The following SEC22C variants were observed in gnomAD, a reference collection of about 807,000 sequenced individuals.
SEC22C encodes the protein SEC22 homolog C, vesicle trafficking protein.
SEC22C carries 29 observed loss-of-function variants against 34.7 expected under a neutral mutation model. That is an observed-to-expected ratio of 0.84 (90% CI 0.62 to 1.14). The LOEUF (loss-of-function observed/expected upper bound fraction) is 1.14. Among genes scored for constraint, SEC22C ranks in the 50% most tolerant of loss-of-function variants. The probability of loss-of-function intolerance (pLI) is 0.00; values close to 1 mark genes in which losing one functional copy is unlikely to be tolerated. For synonymous variants in SEC22C, 117 were observed against 132.8 expected, an observed-to-expected ratio of 0.88 and a Z score of 0.82; for missense variants, 337 against 369.0, an observed-to-expected ratio of 0.91 and a Z score of 0.71.
intron 1 of SEC22C, among the ~76,000 whole-genome samples, chr3:42,580,697 A>G (rs1188505885): frequency 6.6e-6 from 1 of 152,248 alleles, no homozygotes; most frequent in African/African-American, 2.4e-5. Context: ...AGGTAAAGCT[A>G]GATTCAACCC....
intron 1 of SEC22C, among the ~76,000 whole-genome samples, chr3:42,570,057 G>A (rs1001130943): frequency 6.6e-6 from 1 of 152,132 alleles, no homozygotes; most frequent in African/African-American, 2.4e-5. Context: ...TACTTGACAG[G>A]ATCCTCTACT....
chr3:42,592,159 C>CT (rs896621293), intron 1 of SEC22C, among the ~76,000 whole-genome samples: 1 of 152,086 alleles, frequency 6.6e-6, no homozygotes, highest in African/African-American at 2.4e-5. Flanking sequence ...GTCTGAGTCT[C>CT]TTTTCCGAAT....
Position 42,552,988 on chromosome 3 carries a change from G to A in SEC22C, c.*260C>T, listed in dbSNP as rs1702320030. The A allele has an allele frequency of 7.9e-7, 1 of 1,272,264 alleles. No individual in the cohort carries two copies. Among genetic ancestry groups the A allele is most frequent in the Middle Eastern group, 3.0e-4 (1 of 3,300 alleles). The allele number at this position is 1,272,264 out of a possible 1,614,324, so 78.8% of individuals were successfully genotyped here. ...TCTTCCAATAAAGCTCTTTCTGGATGAGCCCCCAGATCCAGCTGTCCTAGG... is the reference window on the plus strand; with the variant it reads ...TCTTCCAATAAAGCTCTTTCTGGATAAGCCCCCAGATCCAGCTGTCCTAGG... On this transcript the variant is annotated 3_prime_UTR_variant, in exon 7 of 7. Transcript: ENST00000264454.
At chr3:42,566,980 C>G in intron 2 of SEC22C, 3 of 184,560 alleles carry the variant, frequency 1.6e-5, no homozygotes, top group South Asian at 7.7e-5. Context: ...GAGGTGTGAA[C>G]ATGGCTCACT....
At chr3:42,563,293 C>T (rs1171450220) in intron 3 of SEC22C, among the ~76,000 whole-genome samples, 1 of 152,244 alleles carries the variant, frequency 6.6e-6, no homozygotes, top group Non-Finnish European at 1.5e-5. Flanking sequence ...TTCACCCTTC[C>T]TCCACCCTGC....
chr3:42,558,444 C>A (rs973347617), intron 4 of SEC22C, among the ~76,000 whole-genome samples: 1 of 149,392 alleles, frequency 6.7e-6, no homozygotes, highest in South Asian at 2.1e-4. Flanking sequence ...GCCATGATTG[C>A]GCCCCTGCAC....
Position 42,548,664 on chromosome 3 carries a change from T to G in SEC22C, c.*4584A>C, listed in dbSNP as rs1391736623. 3 of 1,613,886 alleles carry G rather than the reference T, an allele frequency of 1.9e-6. No individual in the cohort carries two copies. The highest frequency in any genetic ancestry group is 2.5e-6 in the Non-Finnish European group (3 of 1,180,036). The stretch of plus-strand genomic sequence containing the variant: ...AGAACCAGCTCCTTGGATCCTGGAA[T>G]AAACCAAACATCAATGGTACCATGC... On this transcript the variant is annotated 3_prime_UTR_variant, in exon 7 of 7. Coordinates refer to ENST00000264454, the MANE Select transcript of SEC22C (RefSeq NM_032970.4).
At position 42,559,712 on chromosome 3, in the gene SEC22C, C is replaced by A. The variant is rs1387897222; in HGVS notation, c.526+1405G>T. Reference sequence around the variant, plus strand: ...ACACTTCTTTTAGCAAAGGATTCAGCTCTTATGCCATTATAGAATTCTTCG... The same window carrying A: ...ACACTTCTTTTAGCAAAGGATTCAGATCTTATGCCATTATAGAATTCTTCG... On this transcript the variant is annotated intron_variant, in intron 4 of 6. Coordinates refer to ENST00000264454, the MANE Select transcript of SEC22C (RefSeq NM_032970.4). Among the ~76,000 whole-genome samples the A allele has an allele frequency of 3.9e-5, 6 of 152,100 alleles. No individual in the cohort carries two copies. In the East Asian group the frequency reaches 1.2e-3, roughly 29 times the overall value.
At chr3:42,594,524 T>C (rs776899700) in intron 1 of SEC22C, 2 of 1,605,480 alleles carry the variant, frequency 1.2e-6, no homozygotes, top group Non-Finnish European at 1.7e-6. Flanking sequence ...TCAAAAGCAA[T>C]AGAATAATCT....
rs1020186247 is a variant in SEC22C, at chr3:42,556,609, G to A, written c.646-614C>T. Among the ~76,000 whole-genome samples, 8 of 152,234 alleles carry A rather than the reference G, an allele frequency of 5.3e-5. 1 individual carries two copies. The highest frequency in any genetic ancestry group is 4.6e-4 in the Admixed American group (7 of 15,288). On this transcript the variant is annotated intron_variant, in intron 5 of 6. Coordinates refer to ENST00000264454, the MANE Select transcript of SEC22C (RefSeq NM_032970.4). ...ATCAGTCTCCTGAGGTTCAACAACA[G>A]TCATGCTTCAGACTTTACCCACTAT...
chr3:42,598,779 G>C (rs1705123453), intron 1 of SEC22C, among the ~76,000 whole-genome samples: 1 of 152,044 alleles, frequency 6.6e-6, no homozygotes, highest in Non-Finnish European at 1.5e-5. Context: ...CAGAGTTTCA[G>C]TTTTGCAAGA....
upstream of SEC22C, among the ~76,000 whole-genome samples, chr3:42,585,619 C>T (rs530650073): frequency 6.6e-6 from 1 of 152,292 alleles, no homozygotes; most frequent in East Asian, 1.9e-4. Flanking sequence ...TTTATCACCT[C>T]CATCACATTC....
intron 1 of SEC22C, among the ~76,000 whole-genome samples, chr3:42,597,956 G>A (rs1293604076): frequency 6.6e-6 from 1 of 152,190 alleles, no homozygotes; most frequent in Admixed American, 6.5e-5. Flanking sequence ...TGGAAAAATT[G>A]GAAACTTTGT....
intron 5 of SEC22C, 92 bp from the exon 6 acceptor site, chr3:42,556,087 A>G (rs1702511054): frequency 7.3e-6 from 7 of 953,410 alleles, no homozygotes; most frequent in East Asian, 5.2e-5. Context: ...TCTGTCTGGT[A>G]TGGTTGACAG....
intron 4 of SEC22C, 59 bp downstream of exon 4, chr3:42,561,057 AC>A: frequency 6.5e-7 from 1 of 1,528,158 alleles, no homozygotes; most frequent in Non-Finnish European, 8.9e-7. Flanking sequence ...AAAAAAATCA[AC>A]GTCCATTTGA....
intron 1 of SEC22C, among the ~76,000 whole-genome samples, chr3:42,576,359 A>G (rs1282987883): frequency 6.6e-6 from 1 of 152,180 alleles, no homozygotes; most frequent in Non-Finnish European, 1.5e-5. Flanking sequence ...ATAGAAATCA[A>G]TGAAATGGAA....
chr3:42,560,956 A>G (rs963137518), intron 4 of SEC22C, among the ~76,000 whole-genome samples, 161 bp downstream of exon 4: 1 of 152,108 alleles, frequency 6.6e-6, no homozygotes, highest in Non-Finnish European at 1.5e-5. Context: ...CAAAGTTTTT[A>G]TAACAGCCAC....
At chr3:42,553,734 T>A (rs1449721357) in intron 6 of SEC22C, among the ~76,000 whole-genome samples, 3 of 152,206 alleles carry the variant, frequency 2.0e-5, no homozygotes, top group African/African-American at 7.2e-5. Flanking sequence ...GACCAGGCTG[T>A]TGGCAGTAGA....
In SEC22C at chr3:42,548,517, C is replaced by G; in HGVS notation, c.*4731G>C. The stretch of plus-strand genomic sequence containing the variant: ...TCACTGACATGCCCTTTTCCACAGG[C>G]TCCCTGCTGATGAGATTTCCCCAGC... On this transcript the variant is annotated 3_prime_UTR_variant, in exon 7 of 7. Coordinates refer to ENST00000264454, the MANE Select transcript of SEC22C (RefSeq NM_032970.4). 2 of 1,388,872 alleles carry G rather than the reference C, an allele frequency of 1.4e-6. No homozygotes were observed. The highest frequency in any genetic ancestry group is 2.0e-6 in the Non-Finnish European group (2 of 983,980). The allele number at this position is 1,388,872 out of a possible 1,614,324, so 86.0% of individuals were successfully genotyped here.
Sources: gnomAD v4.1 joint callset for allele counts (sites outside exome capture counted in the v4.1 genomes callset) on GRCh38, gnomAD v4.1.1 for gene constraint, MANE v1.5 for transcripts, NCBI Gene and HGNC (gene_info 2026-07-23, HGNC 2026-07-21) for gene names.